NMBR: variants seen among roughly 807,000 people sequenced by gnomAD.
The protein encoded by NMBR is neuromedin B receptor, also known as neuromedin-B receptor.
In NMBR, 16 loss-of-function variants were observed where a neutral mutation model predicts 20.5. That is an observed-to-expected ratio of 0.78 (90% CI 0.53 to 1.19). The LOEUF is 1.19. Among genes scored for constraint, NMBR ranks in the 50% most tolerant of loss-of-function variants. The probability of loss-of-function intolerance (pLI) is 0.00; values close to 1 mark genes in which losing one functional copy is unlikely to be tolerated. For synonymous variants in NMBR, 212 were observed against 196.6 expected (o/e 1.08, Z -0.65); for missense variants, 582 against 499.1 (o/e 1.17, Z -1.58).
chr6:142,129,598 G>A (rs1778103148), intron 1 of NMBR, among the ~76,000 whole-genome samples: 1 of 151,956 alleles, frequency 6.6e-6, no homozygotes, highest in Non-Finnish European at 1.5e-5. Context: ...AGAGAGAAAA[G>A]ACATTGAAAA....
At chr6:142,107,589 A>G (rs932226047) in intron 1 of NMBR, among the ~76,000 whole-genome samples, 10 of 152,342 alleles carry the variant, frequency 6.6e-5, no homozygotes, top group African/African-American at 1.9e-4. Flanking sequence ...ACACCTTGTT[A>G]CTAAAAAATC....
rs1289032197 is a variant in NMBR, at chr6:142,075,964, T to C, written c.857A>G (p.Tyr286Cys). The part of the protein sequence containing the change: ...IFCWFPNHIL[Y>C]MYRSFNYNEI... The stretch of plus-strand genomic sequence containing the variant: ...ATTATAGTTGAAAGACCGATACATG[T>C]AAAGGATGTGGTTTGGAAACCAACA... The change falls in exon 4 of 4, where the codon TAC becomes TGC. Residue 286 changes from tyrosine (Y) to cysteine (C), a missense_variant. By Grantham distance (194) the Tyr-to-Cys change is radical. Coordinates refer to ENST00000258042, the MANE Select transcript of NMBR (RefSeq NM_002511.4). 1 of 1,613,700 alleles carries C rather than the reference T, an allele frequency of 6.2e-7. No individual in the cohort carries two copies. Among genetic ancestry groups the C allele is most frequent in the Non-Finnish European group, 8.5e-7 (1 of 1,179,806 alleles).
chr6:142,102,171 G>C (rs532466520), intron 1 of NMBR, among the ~76,000 whole-genome samples: 1 of 151,796 alleles, frequency 6.6e-6, no homozygotes, highest in Non-Finnish European at 1.5e-5. Context: ...GGCGGATCAC[G>C]AGGTCAGAAG....
At chr6:142,125,510 T>TGCGCATGC (rs1330890414) in intron 1 of NMBR, among the ~76,000 whole-genome samples, 2 of 150,972 alleles carry the variant, frequency 1.3e-5, no homozygotes, top group African/African-American at 4.8e-5. Context: ...CACATATACA[T>TGCGCATGC]ACATACACAA....
intron 1 of NMBR, among the ~76,000 whole-genome samples, chr6:142,121,459 A>G (rs1777942806): frequency 6.6e-6 from 1 of 151,988 alleles, no homozygotes; most frequent in Admixed American, 6.6e-5. Context: ...AATGTAAAGG[A>G]AAAATTCTTG....
chr6:142,105,249 C>A (rs938068719), intron 1 of NMBR, among the ~76,000 whole-genome samples: 1 of 152,120 alleles, frequency 6.6e-6, no homozygotes, highest in African/African-American at 2.4e-5. Flanking sequence ...ATTTTCACTT[C>A]TTTTGTGGAT....
At chr6:142,081,832 C>T (rs750882371) in intron 2 of NMBR, among the ~76,000 whole-genome samples, 1 of 152,016 alleles carries the variant, frequency 6.6e-6, no homozygotes, top group Non-Finnish European at 1.5e-5. Context: ...GGTATATTTT[C>T]CCTTATAAAT....
At chr6:142,112,560 T>G (rs1453795341) in intron 1 of NMBR, among the ~76,000 whole-genome samples, 2 of 152,208 alleles carry the variant, frequency 1.3e-5, no homozygotes, top group East Asian at 3.8e-4. Context: ...CTGCCTTTAC[T>G]CCCAACATCC....
At chr6:142,086,604 T>C (rs4559101) in intron 2 of NMBR, among the ~76,000 whole-genome samples, 4,006 of 152,094 alleles carry the variant, frequency 0.026, 198 homozygotes, top group African/African-American at 0.091. Context: ...ACGGACCAAG[T>C]AGAAGAGGCA....
At chr6:142,088,152 C>A in intron 2 of NMBR, 85 bp downstream of exon 2, 1 of 1,370,460 alleles carries the variant, frequency 7.3e-7, no homozygotes, top group South Asian at 1.3e-5. Flanking sequence ...CGTCCTTCTG[C>A]CAGTAGGTGC....
chr6:142,090,780 A>C (rs570002158), intron 1 of NMBR, among the ~76,000 whole-genome samples: 108 of 151,820 alleles, frequency 7.1e-4, no homozygotes, highest in African/African-American at 2.5e-3. Flanking sequence ...TCTAATTATG[A>C]AGTGTCTAAA....
chr6:142,138,002 C>T (rs1296720682), intron 1 of NMBR, among the ~76,000 whole-genome samples: 1 of 151,660 alleles, frequency 6.6e-6, no homozygotes. Context: ...TTTCTGTGCC[C>T]ACAGATGTCC....
chr6:142,130,186 T>G, intron 1 of NMBR, among the ~76,000 whole-genome samples: 1 of 152,208 alleles, frequency 6.6e-6, no homozygotes, highest in Admixed American at 6.5e-5. Flanking sequence ...CAAAGTTTAT[T>G]TCCCCCTCAC....
intron 1 of NMBR, among the ~76,000 whole-genome samples, chr6:142,108,729 C>T (rs1022956888): frequency 6.6e-6 from 1 of 152,078 alleles, no homozygotes; most frequent in African/African-American, 2.4e-5. Flanking sequence ...CAGAGCCACA[C>T]CATATCATTC....
chr6:142,111,439 A>G (rs1777762008), intron 1 of NMBR, among the ~76,000 whole-genome samples: 1 of 152,238 alleles, frequency 6.6e-6, no homozygotes, highest in Admixed American at 6.5e-5. Context: ...TAGTGAGAAA[A>G]GTTGCTTTGG....
intron 1 of NMBR, among the ~76,000 whole-genome samples, chr6:142,125,507 A>ATATGTG: frequency 6.6e-6 from 1 of 151,878 alleles, no homozygotes; most frequent in Non-Finnish European, 1.5e-5. Flanking sequence ...ATACACATAT[A>ATATGTG]CATACATACA....
chr6:142,128,742 C>T (rs1425265087), intron 1 of NMBR, among the ~76,000 whole-genome samples: 1 of 151,856 alleles, frequency 6.6e-6, no homozygotes, highest in African/African-American at 2.4e-5. Context: ...ATTCTTCTAT[C>T]TATGTTGCTG....
intron 1 of NMBR, among the ~76,000 whole-genome samples, chr6:142,137,333 G>A (rs1455664971): frequency 6.6e-6 from 1 of 152,072 alleles, no homozygotes; most frequent in Non-Finnish European, 1.5e-5. Flanking sequence ...TGTGATTTTT[G>A]TACATTGATT....
chr6:142,144,166 A>C (rs1414479298), intron 1 of NMBR, among the ~76,000 whole-genome samples: 1 of 152,206 alleles, frequency 6.6e-6, no homozygotes, highest in Non-Finnish European at 1.5e-5. Context: ...GGAAAATTTA[A>C]GGAAAAATTA....
Sources: gnomAD v4.1 joint callset for allele counts (sites outside exome capture counted in the v4.1 genomes callset) on GRCh38, gnomAD v4.1.1 for gene constraint, MANE v1.5 for transcripts, NCBI Gene and HGNC (gene_info 2026-07-23, HGNC 2026-07-21) for gene names.